PDLIM5: variants seen among roughly 807,000 people sequenced by gnomAD.
PDLIM5 encodes PDZ and LIM domain 5.
PDLIM5 carries 34 observed loss-of-function variants against 64.2 expected under a neutral mutation model. That is an observed-to-expected ratio of 0.53 (90% CI 0.40 to 0.71). PDLIM5 has a LOEUF of 0.71. PDLIM5 is among the 30% of genes least tolerant of loss of function. PDLIM5 has a pLI of 0.00. For missense variants in PDLIM5, 683 were observed against 733.6 expected, an observed-to-expected ratio of 0.93 and a Z score of 0.80; for synonymous variants, 253 against 269.1, an observed-to-expected ratio of 0.94 and a Z score of 0.59.
chr4:94,612,971 A>C (rs1384021435), intron 7 of PDLIM5, among the ~76,000 whole-genome samples: 1 of 151,246 alleles, frequency 6.6e-6, no homozygotes, highest in South Asian at 2.1e-4. Flanking sequence ...ATTATACTTT[A>C]AATTTTGGTT....
intron 7 of PDLIM5, among the ~76,000 whole-genome samples, chr4:94,598,919 A>C (rs1014679910): frequency 6.6e-6 from 1 of 152,090 alleles, no homozygotes; most frequent in African/African-American, 2.4e-5. Flanking sequence ...CAGCAAATGC[A>C]GAGTCCCTGA....
At chr4:94,593,069 T>C (rs895186258) in intron 7 of PDLIM5, among the ~76,000 whole-genome samples, 4 of 152,190 alleles carry the variant, frequency 2.6e-5, no homozygotes, top group African/African-American at 7.2e-5. Context: ...ATTTGTCTTA[T>C]GGATATTGGT....
intron 7 of PDLIM5, among the ~76,000 whole-genome samples, chr4:94,609,933 C>T (rs1038936335): frequency 6.6e-5 from 10 of 152,126 alleles, no homozygotes; most frequent in African/African-American, 2.2e-4. Flanking sequence ...GAAGAGTATT[C>T]GTATGTCCAA....
rs181222127 is a variant in PDLIM5 at position 94,481,461 on chromosome 4, T to G, written c.96+26077T>G. 8.0e-4 allele frequency among the ~76,000 whole-genome samples: 122 copies of G among 152,038 alleles called. 1 individual carries two copies. The highest frequency in any genetic ancestry group is 3.5e-3 in the South Asian group (17 of 4,812). On this transcript the variant is annotated intron_variant, in intron 2 of 12. Transcript: ENST00000317968. The stretch of plus-strand genomic sequence containing the variant: ...ACCATGCCCAGCTAATTTTTGTATT[T>G]TTAGTAGAGATGGGGTTTCACCGTG...
At chr4:94,537,934 T>A (rs1316595910) in intron 3 of PDLIM5, among the ~76,000 whole-genome samples, 1 of 152,214 alleles carries the variant, frequency 6.6e-6, no homozygotes, top group Non-Finnish European at 1.5e-5. Flanking sequence ...GTTGTTTTGC[T>A]TTTCCAAATA....
intron 10 of PDLIM5, among the ~76,000 whole-genome samples, chr4:94,655,881 GA>G (rs1189906143): frequency 6.6e-6 from 1 of 152,160 alleles, no homozygotes; most frequent in African/African-American, 2.4e-5. Context: ...CTCAAGGATG[GA>G]AAGGGAAGAA....
In PDLIM5 at chr4:94,618,016, G is replaced by T. The variant is rs748912947; in HGVS notation, c.933G>T (p.Glu311Asp). The T allele has an allele frequency of 6.4e-7, 1 of 1,566,168 alleles. No individual in the cohort carries two copies. Among genetic ancestry groups the T allele is most frequent in the South Asian group, 1.2e-5 (1 of 84,482 alleles). Reference protein sequence around the residue: ...DNTKKANNSQEPSPQLASSVA... With the variant: ...DNTKKANNSQDPSPQLASSVA... Reference sequence around the variant, plus strand: ...ATTTCCTTTACAGTAACTCTCAGGAGCCTTCTCCGCAGTTGGCTTCCTCGG... The same window carrying T: ...ATTTCCTTTACAGTAACTCTCAGGATCCTTCTCCGCAGTTGGCTTCCTCGG... The change falls in exon 8 of 13, where the codon GAG becomes GAT. Residue 311 changes from glutamate (E) to aspartate (D), a missense_variant. Glu to Asp is a conservative substitution (Grantham distance 45, BLOSUM62 2). Transcript: ENST00000317968.
chr4:94,614,866 A>G (rs945875023), intron 7 of PDLIM5, among the ~76,000 whole-genome samples: 9 of 152,352 alleles, frequency 5.9e-5, no homozygotes, highest in African/African-American at 1.9e-4. Flanking sequence ...GAATTGAGGA[A>G]GCAAGATTTT....
intron 2 of PDLIM5, among the ~76,000 whole-genome samples, chr4:94,518,151 A>C (rs1729526984): frequency 6.6e-6 from 1 of 152,162 alleles, no homozygotes; most frequent in Non-Finnish European, 1.5e-5. Context: ...TGTAGGAGCT[A>C]TATTGAATGA....
intron 2 of PDLIM5, among the ~76,000 whole-genome samples, chr4:94,481,900 TG>T (rs1380417567): frequency 6.6e-6 from 1 of 151,726 alleles, no homozygotes; most frequent in Non-Finnish European, 1.5e-5. Context: ...TGAGCCACCG[TG>T]GCCCATTATT....
At chr4:94,509,355 A>T (rs116928820) in intron 2 of PDLIM5, among the ~76,000 whole-genome samples, 1 of 152,090 alleles carries the variant, frequency 6.6e-6, no homozygotes, top group African/African-American at 2.4e-5. Flanking sequence ...TTTGTAGTAC[A>T]TCTTTTACTT....
At chr4:94,608,242 C>A in intron 7 of PDLIM5, 2 of 1,159,052 alleles carry the variant, frequency 1.7e-6, no homozygotes, top group Non-Finnish European at 2.4e-6. Context: ...ATATACTAAA[C>A]TGTTTGAAAA....
chr4:94,473,071 G>T (rs1725017645), intron 2 of PDLIM5, among the ~76,000 whole-genome samples: 1 of 150,646 alleles, frequency 6.6e-6, no homozygotes, highest in South Asian at 2.1e-4. Context: ...ATTTGTAGAA[G>T]GTGAGCAAAT....
intron 3 of PDLIM5, among the ~76,000 whole-genome samples, chr4:94,545,180 A>G (rs1002591538): frequency 6.6e-6 from 1 of 152,246 alleles, no homozygotes; most frequent in Admixed American, 6.5e-5. Context: ...ATTTTTAAAA[A>G]TATAGTTCGA....
chr4:94,467,659 C>G (rs986679548), intron 2 of PDLIM5, among the ~76,000 whole-genome samples: 2 of 152,070 alleles, frequency 1.3e-5, no homozygotes, highest in Admixed American at 1.3e-4. Flanking sequence ...GTTTTCAATC[C>G]TAATCAGGAT....
chr4:94,459,426 A>G (rs1424701565), intron 2 of PDLIM5, among the ~76,000 whole-genome samples: 2 of 152,226 alleles, frequency 1.3e-5, no homozygotes, highest in Non-Finnish European at 2.9e-5. Context: ...AGCTTGGACA[A>G]AATTCTAATT....
At chr4:94,549,057 ACT>A (rs561487332) in intron 3 of PDLIM5, among the ~76,000 whole-genome samples, 16 of 152,000 alleles carry the variant, frequency 1.1e-4, no homozygotes, top group African/African-American at 3.6e-4. Context: ...TTAATTGGTT[ACT>A]CTGTTTCCTA....
chr4:94,547,267 A>G lies in PDLIM5; in HGVS notation c.248+23392A>G, dbSNP rs1732406677. 2.6e-5 allele frequency among the ~76,000 whole-genome samples: 4 copies of G among 152,118 alleles called. No homozygotes were observed. In the South Asian group the frequency reaches 8.3e-4, roughly 32 times the overall value. ...TTACAGGTCTGAAATGGGCTTCACT[A>G]GGCTAAAATTAACGGGTCGACCTTC... is the stretch of plus-strand genomic sequence containing the variant. On this transcript the variant is annotated intron_variant, in intron 3 of 12. Transcript: ENST00000317968.
intron 2 of PDLIM5, among the ~76,000 whole-genome samples, chr4:94,458,251 A>T (rs1020287513): frequency 3.3e-5 from 5 of 152,192 alleles, no homozygotes; most frequent in Non-Finnish European, 5.9e-5. Flanking sequence ...ACTGGTCATC[A>T]GGTTCTTTAA....
Sources: gnomAD v4.1 joint callset for allele counts (sites outside exome capture counted in the v4.1 genomes callset) on GRCh38, gnomAD v4.1.1 for gene constraint, MANE v1.5 for transcripts, NCBI Gene and HGNC (gene_info 2026-07-23, HGNC 2026-07-21) for gene names.